KLC1: variants seen among roughly 807,000 people sequenced by gnomAD.
KLC1 encodes the protein kinesin 2 60/70kDa.
KLC1 carries 30 observed loss-of-function variants against 84.2 expected under a neutral mutation model. That is an observed-to-expected ratio of 0.36 (90% CI 0.27 to 0.48). The LOEUF (loss-of-function observed/expected upper bound fraction) is 0.48, where lower values mean the gene tolerates loss of function less well. Among genes scored for constraint, KLC1 ranks in the 20% least tolerant of loss-of-function variants. The pLI, the probability that KLC1 is intolerant of heterozygous loss-of-function variation, is 0.99. For missense variants in KLC1, 499 were observed against 805.4 expected, an observed-to-expected ratio of 0.62 and a Z score of 4.60; for synonymous variants, 289 against 293.3, an observed-to-expected ratio of 0.99 and a Z score of 0.15.
intron 5 of KLC1, among the ~76,000 whole-genome samples, chr14:103,664,819 CTTTTTTTTTT>C (rs34967823): frequency 4.9e-5 from 5 of 101,980 alleles, no homozygotes; most frequent in African/African-American, 1.5e-4. Flanking sequence ...TTGGCCAAGG[CTTTTTTTTTT>C]TTTTTTTTTT....
At chr14:103,683,033 T>A (rs2081494467) in intron 13 of KLC1, 1 of 152,202 alleles carries the variant, frequency 6.6e-6, no homozygotes, top group Non-Finnish European at 1.5e-5. Context: ...GATTAAGTTA[T>A]AATAACCACA....
At chr14:103,641,210 A>C (rs994087480) in intron 1 of KLC1, among the ~76,000 whole-genome samples, 2 of 152,166 alleles carry the variant, frequency 1.3e-5, no homozygotes, top group Non-Finnish European at 2.9e-5. Flanking sequence ...GGTGTGAGTC[A>C]CTGTGCCCAG....
At chr14:103,651,111 G>C (rs955091215) in intron 1 of KLC1, among the ~76,000 whole-genome samples, 21 of 152,046 alleles carry the variant, frequency 1.4e-4, no homozygotes, top group African/African-American at 4.8e-4. Context: ...CTGAGTTCAA[G>C]TGATTCTCCT....
At chr14:103,642,988 C>A (rs2077607829) in intron 1 of KLC1, among the ~76,000 whole-genome samples, 1 of 152,086 alleles carries the variant, frequency 6.6e-6, no homozygotes, top group East Asian at 1.9e-4. Flanking sequence ...TCAGGTTGGT[C>A]TCCAACTCCT....
chr14:103,644,878 T>C lies in KLC1; in HGVS notation c.-1-9686T>C, dbSNP rs2077781831. Among the ~76,000 whole-genome samples, 4 of 152,182 alleles carry C rather than the reference T, an allele frequency of 2.6e-5. No homozygotes were observed. In the South Asian group the frequency reaches 8.3e-4, roughly 31 times the overall value. ...AGAGGCTCAGTAAACATTTGAGGAATGGATGGATGTTACTCTTTTGGGGCT... is the reference window on the plus strand; with the variant it reads ...AGAGGCTCAGTAAACATTTGAGGAACGGATGGATGTTACTCTTTTGGGGCT... On this transcript the variant is annotated intron_variant, in intron 1 of 16. Transcript: ENST00000334553.
Position 103,692,406 on chromosome 14 carries a change from C to T in KLC1, c.1829C>T (p.Ala610Val). The change falls in exon 15 of 17, where the codon GCT becomes GTT. Residue 610 changes from alanine (A) to valine (V), a missense_variant. Transcript: ENST00000334553. ...AATGTCCTTAACGTGGGTGGCAAGG[C>T]TGCTGAAGATCGCTTTCAAGTAAGG... ...SLNVLNVGGK[A>V]AEDRFQGVSG... 1 of 1,536,650 alleles carries T rather than the reference C, an allele frequency of 6.5e-7. No homozygotes were observed. Among genetic ancestry groups the T allele is most frequent in the Non-Finnish European group, 8.7e-7 (1 of 1,147,018 alleles).
At chr14:103,648,653 T>C (rs2078146103) in intron 1 of KLC1, among the ~76,000 whole-genome samples, 1 of 151,856 alleles carries the variant, frequency 6.6e-6, no homozygotes, top group African/African-American at 2.4e-5. Flanking sequence ...AAAGAAAAAT[T>C]AGCCAGGCTT....
At chr14:103,666,879 C>T (rs1489788091) in intron 5 of KLC1, among the ~76,000 whole-genome samples, 2 of 151,218 alleles carry the variant, frequency 1.3e-5, no homozygotes, top group Non-Finnish European at 2.9e-5. Flanking sequence ...CAGGTTCAAG[C>T]GATTCTCCTG....
intron 15 of KLC1, chr14:103,695,307 C>A (rs1322892600): frequency 7.9e-5 from 57 of 717,148 alleles, no homozygotes; most frequent in Non-Finnish European, 9.5e-5. Context: ...GCAAAAAAAA[C>A]CATGTGTATA....
At chr14:103,631,294 T>A (rs1385850441) in intron 1 of KLC1, among the ~76,000 whole-genome samples, 2 of 152,052 alleles carry the variant, frequency 1.3e-5, no homozygotes, top group Admixed American at 6.6e-5. Context: ...GTTAGCCAGG[T>A]TGGTCTTGAT....
In KLC1 at chr14:103,630,241, TTAAAA is replaced by T. The variant is rs555976601; in HGVS notation, c.-2+752_-2+756del. ...GGGTGTACCCTTTTCCTTAAGAAAA[TTAAAA>T]TAAAGCGTAAAAGTAGTGAAATTAA... On this transcript the variant is annotated intron_variant, in intron 1 of 16. Transcript: ENST00000334553. 2.2e-3 allele frequency among the ~76,000 whole-genome samples: 342 copies of T among 152,320 alleles called. 1 individual carries two copies. Among genetic ancestry groups the T allele is most frequent in the Non-Finnish European group, 4.3e-3 (290 of 68,014 alleles).
In KLC1 at chr14:103,693,661, G is replaced by C; in HGVS notation, c.1848+1236G>C. 5 of 1,529,838 alleles carry C rather than the reference G, an allele frequency of 3.3e-6. No individual in the cohort carries two copies. Among genetic ancestry groups the C allele is most frequent in the Non-Finnish European group, 4.4e-6 (5 of 1,143,516 alleles). The allele number at this position is 1,529,838 out of a possible 1,614,324, so 94.8% of individuals were successfully genotyped here. On this transcript the variant is annotated intron_variant, in intron 15 of 16. Coordinates refer to ENST00000334553, the MANE Select transcript of KLC1 (RefSeq NM_001394837.1). The surrounding 1 kb of genome is among the most constrained non-coding windows in gnomAD (Gnocchi z 5.1). ...TAACCTGTCTTGGGAGTGTGAGACC[G>C]CCCCGCCCTGCCACGCCCCTCACCG...
chr14:103,668,215 C>T (rs1340949040), intron 5 of KLC1, among the ~76,000 whole-genome samples: 2 of 152,244 alleles, frequency 1.3e-5, no homozygotes, highest in African/African-American at 4.8e-5. Flanking sequence ...AGCCCAAGCT[C>T]AGACACTAGA....
At chr14:103,678,110 A>G (rs1031099280) in intron 12 of KLC1, among the ~76,000 whole-genome samples, 13 of 152,176 alleles carry the variant, frequency 8.5e-5, no homozygotes, top group African/African-American at 3.1e-4. Flanking sequence ...CCCCATCTCT[A>G]CTAAAAACAC....
chr14:103,700,011 CCA>C (rs2083004023), intron 15 of KLC1: 1 of 277,250 alleles, frequency 3.6e-6, no homozygotes, highest in South Asian at 3.8e-5. Flanking sequence ...CCAAACCTGG[CCA>C]CAGTGCCACC....
At chr14:103,641,604 ATTAT>A (rs905917178) in intron 1 of KLC1, among the ~76,000 whole-genome samples, 1 of 151,892 alleles carries the variant, frequency 6.6e-6, no homozygotes, top group African/African-American at 2.4e-5. Context: ...TTTAATAATA[ATTAT>A]TTTTTTGAGA....
intron 3 of KLC1, among the ~76,000 whole-genome samples, chr14:103,661,094 C>T (rs189464586): frequency 8.5e-5 from 13 of 152,246 alleles, no homozygotes; most frequent in South Asian, 4.1e-4. Flanking sequence ...GCATGTGCCA[C>T]GGCTGCTTAC....
chr14:103,678,538 A>T (rs571912941), intron 12 of KLC1, among the ~76,000 whole-genome samples: 13 of 151,042 alleles, frequency 8.6e-5, no homozygotes, highest in South Asian at 2.1e-4. Context: ...TTTTTTTTTT[A>T]AATTAGCCAG....
At chr14:103,676,825 C>T (rs188411781) in intron 11 of KLC1, among the ~76,000 whole-genome samples, 6 of 152,218 alleles carry the variant, frequency 3.9e-5, no homozygotes, top group Admixed American at 3.3e-4. Flanking sequence ...ATCAAGAATG[C>T]AGAAACATCA....
Sources: allele counts gnomAD v4.1 joint callset (sites outside exome capture counted in the v4.1 genomes callset), GRCh38; gene constraint gnomAD v4.1.1; non-coding constraint Gnocchi (gnomAD v3.1); transcripts MANE v1.5; gene names NCBI Gene and HGNC (gene_info 2026-07-23, HGNC 2026-07-21).